The following SPATA6 variants were observed in gnomAD, a reference collection of about 807,000 sequenced individuals.
SPATA6 encodes spermatogenesis-associated protein 6.
Under a neutral mutation model 65.3 loss-of-function variants are expected in SPATA6, and 56 were observed. The observed-to-expected ratio is 0.86, with a 90% CI of 0.69 to 1.07. SPATA6 has a LOEUF of 1.07. SPATA6 is among the 50% of genes least tolerant of loss of function. SPATA6 has a pLI of 0.00. For synonymous variants in SPATA6, 199 were observed against 213.2 expected (o/e 0.93, Z 0.58); for missense variants, 590 against 594.8 (o/e 0.99, Z 0.08).
intron 11 of SPATA6, among the ~76,000 whole-genome samples, chr1:48,313,481 G>A (rs1200687468): frequency 1.3e-5 from 2 of 152,146 alleles, no homozygotes; most frequent in Non-Finnish European, 2.9e-5. Flanking sequence ...ATCCTTTACA[G>A]ACAAGCAAAT....
At chr1:48,444,841 A>G (rs191763326) in intron 3 of SPATA6, among the ~76,000 whole-genome samples, 7 of 152,298 alleles carry the variant, frequency 4.6e-5, no homozygotes, top group Admixed American at 4.6e-4. Context: ...CACCAGAAGA[A>G]ACCAACTCCA....
intron 3 of SPATA6, among the ~76,000 whole-genome samples, chr1:48,448,963 C>T (rs1264397020): frequency 1.3e-5 from 2 of 151,994 alleles, no homozygotes; most frequent in African/African-American, 4.8e-5. Context: ...GATGATGATA[C>T]ACAATTGTAT....
chr1:48,458,849 T>A (rs1346035770), intron 1 of SPATA6, among the ~76,000 whole-genome samples: 1 of 152,120 alleles, frequency 6.6e-6, no homozygotes, highest in African/African-American at 2.4e-5. Flanking sequence ...TGTTCTGAAA[T>A]TAGTAGTGAT....
At chr1:48,327,083 T>A (rs2148718769) in intron 11 of SPATA6, among the ~76,000 whole-genome samples, 1 of 151,958 alleles carries the variant, frequency 6.6e-6, no homozygotes, top group East Asian at 1.9e-4. Context: ...TAGGAGAAAA[T>A]ATTTGCAAAC....
At chr1:48,305,963 C>T (rs747988354) in intron 11 of SPATA6, 85 bp from the exon 12 acceptor site, 224 of 942,088 alleles carry the variant, frequency 2.4e-4, no homozygotes, top group Non-Finnish European at 2.9e-4. Context: ...ATGCTCTTCC[C>T]CTCCCTTTAT....
intron 2 of SPATA6, 61 bp downstream of exon 2, chr1:48,452,933 C>G: frequency 6.4e-7 from 1 of 1,557,218 alleles, no homozygotes; most frequent in Non-Finnish European, 8.7e-7. Context: ...GGCTTTTATT[C>G]AAAAATTGGA....
chr1:48,372,852 C>A (rs1443361758), intron 9 of SPATA6, among the ~76,000 whole-genome samples: 1 of 152,228 alleles, frequency 6.6e-6, no homozygotes, highest in Non-Finnish European at 1.5e-5. Context: ...AGAGCCCAAC[C>A]TGTAAATTGG....
chr1:48,348,747 T>C (rs1221487475), intron 11 of SPATA6, among the ~76,000 whole-genome samples: 2 of 152,040 alleles, frequency 1.3e-5, no homozygotes, highest in Non-Finnish European at 2.9e-5. Context: ...TATATATTCA[T>C]ATCTATTTTT....
chr1:48,416,817 T>C (rs1037180822), intron 3 of SPATA6, among the ~76,000 whole-genome samples: 4 of 152,108 alleles, frequency 2.6e-5, no homozygotes, highest in Non-Finnish European at 4.4e-5. Flanking sequence ...TATGGTTTAA[T>C]ATTAAAAAAT....
chr1:48,350,150 T>A (rs1237883154), intron 11 of SPATA6, among the ~76,000 whole-genome samples: 1 of 151,838 alleles, frequency 6.6e-6, no homozygotes, highest in African/African-American at 2.4e-5. Flanking sequence ...TGGTGGTATA[T>A]CATTATGGTT....
At chr1:48,361,917 T>TAGAAC (rs1646825049) in intron 9 of SPATA6, among the ~76,000 whole-genome samples, 1 of 152,118 alleles carries the variant, frequency 6.6e-6, no homozygotes, top group African/African-American at 2.4e-5. Flanking sequence ...CAGAACCTAA[T>TAGAAC]AGAACATAGT....
intron 11 of SPATA6, among the ~76,000 whole-genome samples, chr1:48,338,301 G>A (rs1646115847): frequency 6.6e-6 from 1 of 151,930 alleles, no homozygotes; most frequent in African/African-American, 2.4e-5. Context: ...TACAAGGGTG[G>A]AGTGACAAAA....
At chr1:48,374,588 A>G (rs745855411) in intron 9 of SPATA6, among the ~76,000 whole-genome samples, 1 of 152,178 alleles carries the variant, frequency 6.6e-6, no homozygotes, top group Non-Finnish European at 1.5e-5. Context: ...AGACCTTCCC[A>G]TAAATCATTT....
chr1:48,406,417 A>T (rs1651710649), intron 5 of SPATA6, among the ~76,000 whole-genome samples: 1 of 152,166 alleles, frequency 6.6e-6, no homozygotes, highest in Non-Finnish European at 1.5e-5. Context: ...TAACATCTAG[A>T]CTTGTGTTTG....
intron 11 of SPATA6, among the ~76,000 whole-genome samples, chr1:48,341,292 G>A (rs1646208266): frequency 6.6e-6 from 1 of 152,096 alleles, no homozygotes; most frequent in Non-Finnish European, 1.5e-5. Context: ...TCAATAATCT[G>A]TGGTCAACAG....
rs779809545 is a variant in SPATA6 at position 48,453,037 on chromosome 1, G to T, written c.146C>A (p.Ala49Asp). 2 of 1,613,882 alleles carry T rather than the reference G, an allele frequency of 1.2e-6. No individual in the cohort carries two copies. Among genetic ancestry groups the T allele is most frequent in the East Asian group, 2.2e-5 (1 of 44,870 alleles). ...GGCATTGAAGACCAGGGGAAAAGTG[G>T]CTGGGACACATTGTGTCTTTTTGTA... ...GQYKKTQCVP[A>D]TFPLVFNARM... The change falls in exon 2 of 13, where the codon GCC (alanine) becomes GAC (aspartate). Residue 49 changes from alanine to aspartate, a missense_variant. Ala to Asp is a moderately radical substitution (Grantham distance 126). Coordinates refer to ENST00000371847, the MANE Select transcript of SPATA6 (RefSeq NM_019073.4).
intron 3 of SPATA6, among the ~76,000 whole-genome samples, chr1:48,418,892 A>G (rs963849351): frequency 6.6e-6 from 1 of 151,280 alleles, no homozygotes; most frequent in Non-Finnish European, 1.5e-5. Flanking sequence ...AGGAGAGAGA[A>G]GAAAGGGAAG....
intron 11 of SPATA6, among the ~76,000 whole-genome samples, chr1:48,327,232 AAC>A (rs1645789770): frequency 6.6e-6 from 1 of 152,216 alleles, no homozygotes; most frequent in African/African-American, 2.4e-5. Context: ...GCGGCTAACA[AAC>A]ACACAAAAAA....
intron 10 of SPATA6, 77 bp from the exon 11 acceptor site, chr1:48,355,846 A>G: frequency 8.9e-7 from 1 of 1,125,432 alleles, no homozygotes; most frequent in Non-Finnish European, 1.3e-6. Flanking sequence ...AAGTTTTCAC[A>G]GTATGTTCAA....
Sources: allele counts gnomAD v4.1 joint callset (sites outside exome capture counted in the v4.1 genomes callset), GRCh38; gene constraint gnomAD v4.1.1; transcripts MANE v1.5; gene names NCBI Gene and HGNC (gene_info 2026-07-23, HGNC 2026-07-21).